The following CSMD1 variants were observed in gnomAD, a reference collection of about 807,000 sequenced individuals.
CSMD1 encodes the protein CUB and Sushi multiple domains 1, also known as CUB and sushi domain-containing protein 1.
In CSMD1, 213 loss-of-function variants were observed where a neutral mutation model predicts 417.5. The observed-to-expected ratio is 0.51, with a 90% CI of 0.46 to 0.57. The LOEUF is 0.57. Among genes scored for constraint, CSMD1 ranks in the 20% least tolerant of loss-of-function variants. The pLI, the probability that CSMD1 is intolerant of heterozygous loss-of-function variation, is 0.00. For missense variants in CSMD1, 6,923 were observed against 4,529.7 expected (o/e 1.53, Z -15.17); for synonymous variants, 2,862 against 1,736.8 (o/e 1.65, Z -16.11).
Position 3,308,520 on chromosome 8 carries a change from C to T in CSMD1, c.3632-17G>A. Reference sequence around the variant, plus strand: ...GATCAAAACCTGCAAGAGAGAAAGGCAAGGAATGAACAGAACTCAAGGGTG... The same window carrying T: ...GATCAAAACCTGCAAGAGAGAAAGGTAAGGAATGAACAGAACTCAAGGGTG... On this transcript the variant is annotated splice_polypyrimidine_tract_variant and intron_variant, in intron 23 of 69. Coordinates refer to ENST00000635120, the MANE Select transcript of CSMD1 (RefSeq NM_033225.6). 1 of 1,599,530 alleles carries T rather than the reference C, an allele frequency of 6.3e-7. No homozygotes were observed. Among genetic ancestry groups the T allele is most frequent in the Non-Finnish European group, 8.6e-7 (1 of 1,169,580 alleles).
intron 18 of CSMD1, among the ~76,000 whole-genome samples, chr8:3,370,571 G>C (rs1273801642): frequency 6.6e-6 from 1 of 152,358 alleles, no homozygotes; most frequent in Non-Finnish European, 1.5e-5. Context: ...ATGTCTGTGA[G>C]GGTGCTGCTA....
At chr8:4,395,615 G>T (rs1028116714) in intron 3 of CSMD1, among the ~76,000 whole-genome samples, 10 of 151,794 alleles carry the variant, frequency 6.6e-5, no homozygotes, top group African/African-American at 2.4e-4. Flanking sequence ...TATTAATATT[G>T]CCCCCATTAT....
chr8:3,668,507 T>C (rs567855669), intron 7 of CSMD1, among the ~76,000 whole-genome samples: 4 of 152,200 alleles, frequency 2.6e-5, no homozygotes, highest in African/African-American at 9.7e-5. Context: ...AGAGAGTTTG[T>C]CTGACTGGGC....
intron 9 of CSMD1, among the ~76,000 whole-genome samples, chr8:3,585,843 A>C (rs1432019437): frequency 6.6e-6 from 1 of 152,174 alleles, no homozygotes; most frequent in African/African-American, 2.4e-5. Flanking sequence ...ATATATTCAC[A>C]CACATGCACA....
intron 12 of CSMD1, among the ~76,000 whole-genome samples, chr8:3,411,725 CATATATACACGTGT>C (rs1164364654): frequency 2.5e-5 from 3 of 119,002 alleles, no homozygotes; most frequent in Admixed American, 8.9e-5. Flanking sequence ...TATACACGTA[CATATATACACGTGT>C]ATATATACAC....
intron 7 of CSMD1, among the ~76,000 whole-genome samples, chr8:3,639,573 C>T (rs1300743765): frequency 6.6e-6 from 1 of 152,090 alleles, no homozygotes; most frequent in Non-Finnish European, 1.5e-5. Context: ...ACCAGACCAT[C>T]CAGAAGATAT....
chr8:4,317,882 TTCTG>T (rs1372279868), intron 3 of CSMD1, among the ~76,000 whole-genome samples: 2 of 152,218 alleles, frequency 1.3e-5, no homozygotes, highest in African/African-American at 4.8e-5. Context: ...TGAAAATATG[TTCTG>T]TCTTTCAGAT....
chr8:4,419,375 A>G (rs1246322497), intron 3 of CSMD1, among the ~76,000 whole-genome samples: 2 of 152,214 alleles, frequency 1.3e-5, no homozygotes, highest in African/African-American at 2.4e-5. Flanking sequence ...CTATCTCTGC[A>G]TTTAAAAAAA....
chr8:4,264,642 G>C (rs1018913544), intron 3 of CSMD1, among the ~76,000 whole-genome samples: 6 of 152,208 alleles, frequency 3.9e-5, no homozygotes, highest in Admixed American at 2.6e-4. Context: ...GTCCCACCCA[G>C]GTACATGACA....
chr8:3,814,370 A>C (rs751232764), intron 5 of CSMD1, among the ~76,000 whole-genome samples: 4 of 151,542 alleles, frequency 2.6e-5, no homozygotes, highest in Admixed American at 6.6e-5. Context: ...AGATGGCTTT[A>C]CCTCTTATAC....
chr8:4,993,338 G>A (rs1434437341), intron 1 of CSMD1, among the ~76,000 whole-genome samples: 1 of 148,524 alleles, frequency 6.7e-6, no homozygotes, highest in African/African-American at 2.4e-5. Flanking sequence ...CTAAAAATGA[G>A]GACAGGGGCA....
At chr8:3,631,920 C>G (rs1172201889) in intron 7 of CSMD1, among the ~76,000 whole-genome samples, 1 of 152,156 alleles carries the variant, frequency 6.6e-6, no homozygotes, top group Non-Finnish European at 1.5e-5. Context: ...GCAAAACCCC[C>G]CAGATCACTG....
intron 10 of CSMD1, among the ~76,000 whole-genome samples, chr8:3,498,958 C>A (rs1796480210): frequency 6.6e-6 from 1 of 152,070 alleles, no homozygotes. Context: ...TCTTTAACAT[C>A]ATTATTTTAA....
At chr8:3,084,332 C>G (rs754953710) in intron 49 of CSMD1, among the ~76,000 whole-genome samples, 30 of 151,364 alleles carry the variant, frequency 2.0e-4, no homozygotes, top group Non-Finnish European at 3.8e-4. Context: ...GAGACCAGCC[C>G]GAGCAACATG....
rs533140606 is a variant in CSMD1, at chr8:4,292,851, G to C, written c.415+127102C>G. Reference sequence around the variant, plus strand: ...GTCAGGGTCCCTAAGAATAGAGATGGAATATTTAATGGGTTAATTTAAAAG... The same window carrying C: ...GTCAGGGTCCCTAAGAATAGAGATGCAATATTTAATGGGTTAATTTAAAAG... On this transcript the variant is annotated intron_variant, in intron 3 of 69. Transcript: ENST00000635120. Among the ~76,000 whole-genome samples the C allele has an allele frequency of 1.8e-4, 28 of 152,164 alleles. No homozygotes were observed. The South Asian group carries it at 5.8e-3, about 32-fold the overall frequency.
At chr8:4,560,316 C>G (rs1263409350) in intron 2 of CSMD1, among the ~76,000 whole-genome samples, 5 of 152,300 alleles carry the variant, frequency 3.3e-5, no homozygotes, top group Non-Finnish European at 7.4e-5. Context: ...GAAGACAAAA[C>G]AGGATACAGC....
intron 26 of CSMD1, among the ~76,000 whole-genome samples, chr8:3,272,290 A>G (rs1392936897): frequency 6.9e-6 from 1 of 145,022 alleles, no homozygotes; most frequent in Non-Finnish European, 1.5e-5. Flanking sequence ...ATTGATCTAT[A>G]TCTCTGTTTT....
At chr8:3,687,080 C>T (rs1211667504) in intron 7 of CSMD1, among the ~76,000 whole-genome samples, 2 of 152,136 alleles carry the variant, frequency 1.3e-5, no homozygotes, top group Admixed American at 6.5e-5. Context: ...ATATCAAATA[C>T]CAAATGTATG....
intron 3 of CSMD1, among the ~76,000 whole-genome samples, chr8:4,308,490 G>A (rs749090198): frequency 4.6e-5 from 7 of 152,234 alleles, no homozygotes; most frequent in East Asian, 1.9e-4. Context: ...TGTGAAACAC[G>A]GCAAAAGGCC....
Sources: gnomAD v4.1 joint callset for allele counts (sites outside exome capture counted in the v4.1 genomes callset) on GRCh38, gnomAD v4.1.1 for gene constraint, MANE v1.5 for transcripts, NCBI Gene and HGNC (gene_info 2026-07-23, HGNC 2026-07-21) for gene names.